Variants in TMEM132D observed in about 807,000 individuals in gnomAD.
The protein encoded by TMEM132D is mature OL transmembrane protein.
A neutral mutation model predicts 62.3 loss-of-function variants in TMEM132D; 21 were observed. The ratio of observed to expected loss-of-function variants is 0.34; its 90% CI spans 0.24 to 0.49. TMEM132D has a LOEUF of 0.49. Ranked by LOEUF, TMEM132D falls within the 20% of genes least tolerant of loss-of-function variation. The probability of loss-of-function intolerance (pLI) is 0.99; values close to 1 mark genes in which losing one functional copy is unlikely to be tolerated. For synonymous variants in TMEM132D, 621 were observed against 575.6 expected, an observed-to-expected ratio of 1.08 and a Z score of -1.13; for missense variants, 1,346 against 1,402.8, an observed-to-expected ratio of 0.96 and a Z score of 0.65.
At chr12:129,273,937 C>T (rs572796706) in intron 4 of TMEM132D, among the ~76,000 whole-genome samples, 1 of 151,548 alleles carries the variant, frequency 6.6e-6, no homozygotes, top group African/African-American at 2.4e-5. Flanking sequence ...AGAGTGTTTG[C>T]ATCTGATTTC....
At chr12:129,415,289 C>T (rs865955977) in intron 3 of TMEM132D, among the ~76,000 whole-genome samples, 10 of 152,286 alleles carry the variant, frequency 6.6e-5, no homozygotes, top group South Asian at 2.1e-4. Flanking sequence ...ATTCCCAGCA[C>T]CAGTGTACAA....
chr12:129,260,428 T>C (rs1880521606), intron 4 of TMEM132D, among the ~76,000 whole-genome samples: 1 of 152,184 alleles, frequency 6.6e-6, no homozygotes, highest in Non-Finnish European at 1.5e-5. Flanking sequence ...ACATGAGAGC[T>C]GAACAAGTGA....
At chr12:129,675,283 A>G (rs1593115419) in intron 2 of TMEM132D, among the ~76,000 whole-genome samples, 2 of 152,070 alleles carry the variant, frequency 1.3e-5, no homozygotes, top group East Asian at 1.9e-4. Context: ...ACAGAAAACC[A>G]TACACCACAT....
In TMEM132D at chr12:129,636,737, T is replaced by TGTGTGTGTGTGTGTGAGA. The variant is rs375868329; in HGVS notation, c.968+63072_968+63073insTCTCACACACACACACAC. ...GTGTGTGTGTGTGTGTGTGTGTGTG[T>TGTGTGTGTGTGTGTGAGA]GAGAGAGAGAGAGAGAGAGACAGAG... is the stretch of plus-strand genomic sequence containing the variant. On this transcript the variant is annotated intron_variant, in intron 2 of 8. Coordinates refer to ENST00000422113, the MANE Select transcript of TMEM132D (RefSeq NM_133448.3). 1.3e-3 allele frequency among the ~76,000 whole-genome samples: 143 copies of TGTGTGTGTGTGTGTGAGA among 113,622 alleles called. 1 individual carries two copies. In the East Asian group the frequency reaches 0.014, roughly 11 times the overall value. 74.5% of individuals were successfully genotyped at this position (113,622 alleles called of 152,430 possible). A position where few individuals can be genotyped will look rare whatever the true frequency, so the allele number is the denominator to read the frequency against.
At chr12:129,433,386 G>C (rs562621832) in intron 3 of TMEM132D, among the ~76,000 whole-genome samples, 9 of 152,220 alleles carry the variant, frequency 5.9e-5, no homozygotes, top group Middle Eastern at 3.4e-3. Flanking sequence ...GTGTATGAAG[G>C]TTCCAGTAAT....
chr12:129,879,808 T>C (rs946023903), intron 1 of TMEM132D, among the ~76,000 whole-genome samples: 2 of 152,040 alleles, frequency 1.3e-5, no homozygotes, highest in Admixed American at 6.6e-5. Context: ...AAATTATTAA[T>C]AATGGAAATA....
At chr12:129,551,035 G>A (rs1163166855) in intron 2 of TMEM132D, among the ~76,000 whole-genome samples, 1 of 152,222 alleles carries the variant, frequency 6.6e-6, no homozygotes, top group African/African-American at 2.4e-5. Flanking sequence ...CCACAAAGTA[G>A]TGCCATGAAC....
intron 5 of TMEM132D, among the ~76,000 whole-genome samples, chr12:129,112,220 C>T (rs149872137): frequency 6.6e-6 from 1 of 152,144 alleles, no homozygotes; most frequent in African/African-American, 2.4e-5. Flanking sequence ...TGAGGCCTGC[C>T]TGGATGCATT....
intron 1 of TMEM132D, 144 bp from the exon 2 acceptor site, chr12:129,700,842 A>G (rs552409555): frequency 1.2e-4 from 111 of 896,674 alleles, no homozygotes; most frequent in Middle Eastern, 3.5e-4. Flanking sequence ...TCTTAATCCA[A>G]TCTACTCGCT....
At chr12:129,210,062 G>A in intron 4 of TMEM132D, 1 of 171,046 alleles carries the variant, frequency 5.8e-6, no homozygotes. Context: ...GAGAGCTTTT[G>A]TCACTTGCCC....
At chr12:129,770,139 G>GT (rs1870688456) in intron 1 of TMEM132D, among the ~76,000 whole-genome samples, 1 of 40,156 alleles carries the variant, frequency 2.5e-5, no homozygotes, top group African/African-American at 7.3e-5. Flanking sequence ...GGGTTTTTTT[G>GT]GTTGTTTTTT....
Position 129,367,544 on chromosome 12 carries a change from G to A in TMEM132D, c.1116-29727C>T, listed in dbSNP as rs142549708. Reference sequence around the variant, plus strand: ...TGGGGAATACGACACTGGTGTGTGTGCCGGGGGAGCAAGGGTCTTCTTCAG... The same window carrying A: ...TGGGGAATACGACACTGGTGTGTGTACCGGGGGAGCAAGGGTCTTCTTCAG... On this transcript the variant is annotated intron_variant, in intron 3 of 8. Transcript: ENST00000422113. Among the ~76,000 whole-genome samples the A allele has an allele frequency of 2.5e-4, 38 of 152,284 alleles. No individual in the cohort carries two copies. The East Asian group carries it at 7.4e-3, about 29-fold the overall frequency.
In TMEM132D at chr12:129,879,739, G is replaced by T. The variant is rs1281121189; in HGVS notation, c.79+23522C>A. Among the ~76,000 whole-genome samples, 3 of 152,168 alleles carry T rather than the reference G, an allele frequency of 2.0e-5. No homozygotes were observed. The East Asian group carries it at 5.8e-4, about 29-fold the overall frequency. Reference sequence around the variant, plus strand: ...AGATGAAGAATACCTTCAATAGGCTGATTTATAGATTAAAAATGACTATGA... The same window carrying T: ...AGATGAAGAATACCTTCAATAGGCTTATTTATAGATTAAAAATGACTATGA... On this transcript the variant is annotated intron_variant, in intron 1 of 8. Transcript: ENST00000422113.
At chr12:129,530,046 G>A (rs968566794) in intron 3 of TMEM132D, among the ~76,000 whole-genome samples, 2 of 152,092 alleles carry the variant, frequency 1.3e-5, no homozygotes, top group African/African-American at 4.8e-5. Context: ...AAAAAGGAAA[G>A]GCCCAAACGA....
At chr12:129,376,662 G>A (rs1000126549) in intron 3 of TMEM132D, among the ~76,000 whole-genome samples, 3 of 152,174 alleles carry the variant, frequency 2.0e-5, no homozygotes, top group African/African-American at 7.2e-5. Flanking sequence ...GGTAAAGGAG[G>A]TCATTAGGGT....
At chr12:129,135,764 G>C (rs1876539429) in intron 5 of TMEM132D, among the ~76,000 whole-genome samples, 1 of 152,150 alleles carries the variant, frequency 6.6e-6, no homozygotes, top group Middle Eastern at 3.2e-3. Context: ...CATCTCTTCT[G>C]TCTTCGGGTG....
chr12:129,524,920 C>CTTT (rs761892015), intron 3 of TMEM132D, among the ~76,000 whole-genome samples: 1,763 of 91,544 alleles, frequency 0.019, 253 homozygotes, highest in South Asian at 0.068. Context: ...ATATTTTTTT[C>CTTT]TTTTTTCTTT....
chr12:129,524,565 A>G (rs1330377727), intron 3 of TMEM132D, among the ~76,000 whole-genome samples: 1 of 152,188 alleles, frequency 6.6e-6, no homozygotes, highest in Non-Finnish European at 1.5e-5. Context: ...ACTGTCTGCT[A>G]TTACCAAAAA....
At chr12:129,617,443 C>T (rs1245506340) in intron 2 of TMEM132D, among the ~76,000 whole-genome samples, 5 of 152,136 alleles carry the variant, frequency 3.3e-5, no homozygotes, top group Admixed American at 1.3e-4. Context: ...CCATTCTGCC[C>T]ACTTTAACAG....
Sources: allele counts gnomAD v4.1 joint callset (sites outside exome capture counted in the v4.1 genomes callset), GRCh38; gene constraint gnomAD v4.1.1; transcripts MANE v1.5; gene names NCBI Gene and HGNC (gene_info 2026-07-23, HGNC 2026-07-21).